The following PAQR9 variants were observed in gnomAD, a reference collection of about 807,000 sequenced individuals.
The protein encoded by PAQR9 is progestin and adipoQ receptor family member 9, also known as membrane progestin receptor epsilon.
PAQR9 carries 12 observed loss-of-function variants against 24.0 expected under a neutral mutation model. That is an observed-to-expected ratio of 0.50 (90% CI 0.32 to 0.81). The LOEUF (loss-of-function observed/expected upper bound fraction) is 0.81. PAQR9 is among the 30% of genes least tolerant of loss of function. The pLI is 0.03. For missense variants in PAQR9, 418 were observed against 520.8 expected (o/e 0.80, Z 1.92); for synonymous variants, 266 against 237.6 (o/e 1.12, Z -1.10).
chr3:142,956,479 A>G lies in PAQR9; in HGVS notation c.*5724T>C, dbSNP rs1182020621. 6.6e-6 allele frequency among the ~76,000 whole-genome samples: 1 copy of G among 152,256 alleles called. No homozygotes were observed. The highest frequency in any genetic ancestry group is 1.5e-5 in the Non-Finnish European group (1 of 68,046). ...AGCTTCCAGAGATTGATTGAGAACA[A>G]AAGCATTAAAGCAAGTGCATTACAT... On this transcript the variant is annotated 3_prime_UTR_variant, in exon 1 of 1. Transcript: ENST00000340634.
downstream of PAQR9, chr3:142,950,164 T>A (rs999824143): frequency 6.6e-6 from 1 of 152,234 alleles, no homozygotes; most frequent in Non-Finnish European, 1.5e-5. Context: ...ACCTGATAAT[T>A]CCAACATCCC....
rs1381247092 is a variant in PAQR9 at position 142,963,664 on chromosome 3, C to A, written c.-328G>T. 1 of 624,514 alleles carries A rather than the reference C, an allele frequency of 1.6e-6. No homozygotes were observed. Among genetic ancestry groups the A allele is most frequent in the Non-Finnish European group, 2.0e-6 (1 of 502,502 alleles). 38.7% of individuals were successfully genotyped at this position (624,514 alleles called of 1,614,324 possible). A position where few individuals can be genotyped will look rare whatever the true frequency, so the allele number is the denominator to read the frequency against. On this transcript the variant is annotated 5_prime_UTR_variant, in exon 1 of 1. Coordinates refer to ENST00000340634, the MANE Select transcript of PAQR9 (RefSeq NM_198504.4). ...GCGGCTGACTGCGGCGGCAGCGCGG[C>A]AGCGGTGACTGGGCATCGCGCGGTG...
At position 142,962,465 on chromosome 3, in the gene PAQR9, T is replaced by C. The variant is rs751592160; in HGVS notation, c.872A>G (p.Asn291Ser). 6.2e-7 allele frequency: 1 copy of C among 1,613,492 alleles called. No individual in the cohort carries two copies. Among genetic ancestry groups the C allele is most frequent in the African/African-American group, 1.3e-5 (1 of 74,936 alleles). Reference protein sequence around the residue: ...YFWLVVAAFFNVSKIPERIQP... With the variant: ...YFWLVVAAFFSVSKIPERIQP... ...GATGCGCTCGGGGATCTTGCTCACG[T>C]TGAAGAAGGCGGCCACCACCAGCCA... Residue 291 changes from asparagine (N) to serine (S), a missense_variant, in exon 1 of 1, where the codon AAC becomes AGC. Transcript: ENST00000340634.
downstream of PAQR9, among the ~76,000 whole-genome samples, chr3:142,952,062 G>T (rs1165983140): frequency 6.7e-6 from 1 of 149,886 alleles, no homozygotes. Flanking sequence ...GGGGGGTGTT[G>T]TTAGAGTGTG....
rs1468423400 is a variant in PAQR9, at chr3:142,963,422, G to A, written c.-86C>T. On this transcript the variant is annotated 5_prime_UTR_variant, in exon 1 of 1. Transcript: ENST00000340634. Reference sequence around the variant, plus strand: ...GGGCAGCCCCCGCCGGCCGCCGTCGGAGCCTTTGTGCCCACGCCGGGGGCG... The same window carrying A: ...GGGCAGCCCCCGCCGGCCGCCGTCGAAGCCTTTGTGCCCACGCCGGGGGCG... The A allele has an allele frequency of 1.9e-6, 2 of 1,061,896 alleles. No homozygotes were observed. Among genetic ancestry groups the A allele is most frequent in the South Asian group, 4.5e-5 (1 of 22,086 alleles). The allele number at this position is 1,061,896 out of a possible 1,614,324, so 65.8% of individuals were successfully genotyped here. A position where few individuals can be genotyped will look rare whatever the true frequency, so the allele number is the denominator to read the frequency against.
chr3:142,963,729 G>A, upstream of PAQR9: 1 of 828,794 alleles, frequency 1.2e-6, no homozygotes, highest in Non-Finnish European at 1.5e-6. Context: ...GCGGGAGGTG[G>A]GGATGTGCGA....
At chr3:142,951,780 G>T (rs1264748942), downstream of PAQR9, 1 of 456,636 alleles carries the variant, frequency 2.2e-6, no homozygotes, top group Non-Finnish European at 4.4e-6. Context: ...GAAAATTGAT[G>T]TCAGGCATGA....
Position 142,963,373 on chromosome 3 carries a change from C to A in PAQR9, c.-37G>T. The A allele has an allele frequency of 8.5e-7, 1 of 1,171,622 alleles. No homozygotes were observed. The highest frequency in any genetic ancestry group is 1.1e-6 in the Non-Finnish European group (1 of 950,178). 72.6% of individuals were successfully genotyped at this position (1,171,622 alleles called of 1,614,324 possible). A position where few individuals can be genotyped will look rare whatever the true frequency, so the allele number is the denominator to read the frequency against. ...CTCGGCTAGGGCGCGCGCAGGCGAC[C>A]TCTGGCGCCGGCTCCCGGGCGCTGG... is the stretch of plus-strand genomic sequence containing the variant. On this transcript the variant is annotated 5_prime_UTR_variant, in exon 1 of 1. The change creates a new upstream start codon in the 5' untranslated region. Coordinates refer to ENST00000340634, the MANE Select transcript of PAQR9 (RefSeq NM_198504.4).
rs974239414 is a variant in PAQR9 at position 142,958,282 on chromosome 3, A to G, written c.*3921T>C. Among the ~76,000 whole-genome samples the G allele has an allele frequency of 1.3e-5, 2 of 152,242 alleles. No homozygotes were observed. Among genetic ancestry groups the G allele is most frequent in the Non-Finnish European group, 2.9e-5 (2 of 68,046 alleles). On this transcript the variant is annotated 3_prime_UTR_variant, in exon 1 of 1. Coordinates refer to ENST00000340634, the MANE Select transcript of PAQR9 (RefSeq NM_198504.4). The stretch of plus-strand genomic sequence containing the variant: ...CTTTGCTCAATTTTAAAGTTAGTCA[A>G]TTAAGGGACTGTATCTATATCTCTT...
chr3:142,961,037 G>C lies in PAQR9; in HGVS notation c.*1166C>G, dbSNP rs1215859096. ...AGAAACACATCTACATTAGAGGGTT[G>C]GCTCTTTGTCCTTGTTGGGAACCCA... On this transcript the variant is annotated 3_prime_UTR_variant, in exon 1 of 1. Coordinates refer to ENST00000340634, the MANE Select transcript of PAQR9 (RefSeq NM_198504.4). 2 of 152,258 alleles carry C rather than the reference G, an allele frequency of 1.3e-5. No individual in the cohort carries two copies. Among genetic ancestry groups the C allele is most frequent in the Non-Finnish European group, 2.9e-5 (2 of 68,050 alleles). 9.4% of individuals were successfully genotyped at this position (152,258 alleles called of 1,614,324 possible). A position where few individuals can be genotyped will look rare whatever the true frequency, so the allele number is the denominator to read the frequency against.
chr3:142,951,708 G>C (rs1934714273), downstream of PAQR9: 2 of 456,596 alleles, frequency 4.4e-6, no homozygotes, highest in Non-Finnish European at 8.8e-6. Context: ...GGCAGAACCA[G>C]GAAGCCACTG....
rs1560159688 is a variant in PAQR9, at chr3:142,962,362, C to CTT, written c.974_975insAA (p.Val326ArgfsTer5). On this transcript the variant is annotated frameshift_variant, in exon 1 of 1. Transcript: ENST00000340634. LOFTEE classifies it high-confidence loss of function. Reference sequence around the variant, plus strand: ...GCAGGCCCTCTTCTACGTAGTACACCTGGTCGTAGATGCTGAGGAAGGTGA... The same window carrying CTT: ...GCAGGCCCTCTTCTACGTAGTACACCTTTGGTCGTAGATGCTGAGGAAGGTGA... 1 of 1,614,154 alleles carries CTT rather than the reference C, an allele frequency of 6.2e-7. No homozygotes were observed. Among genetic ancestry groups the CTT allele is most frequent in the South Asian group, 1.1e-5 (1 of 91,078 alleles).
At position 142,957,799 on chromosome 3, in the gene PAQR9, G is replaced by A. The variant is rs1934816768; in HGVS notation, c.*4404C>T. ...CATTTTCAAGTTATTTTTAACAATAGGCCTAGGAGCACACAGAAAAAGAAA... is the reference window on the plus strand; with the variant it reads ...CATTTTCAAGTTATTTTTAACAATAAGCCTAGGAGCACACAGAAAAAGAAA... On this transcript the variant is annotated 3_prime_UTR_variant, in exon 1 of 1. Coordinates refer to ENST00000340634, the MANE Select transcript of PAQR9 (RefSeq NM_198504.4). Among the ~76,000 whole-genome samples, 6 of 152,080 alleles carry A rather than the reference G, an allele frequency of 3.9e-5. 1 individual carries two copies. The highest frequency in any genetic ancestry group is 3.9e-4 in the Admixed American group (6 of 15,258).
chr3:142,957,407 T>C lies in PAQR9; in HGVS notation c.*4796A>G, dbSNP rs778512422. ...CTCCCCTTCCCATGCATTCTTCCTA[T>C]CTTTTTTACCTCTGACACTTTTTAA... On this transcript the variant is annotated 3_prime_UTR_variant, in exon 1 of 1. Coordinates refer to ENST00000340634, the MANE Select transcript of PAQR9 (RefSeq NM_198504.4). Among the ~76,000 whole-genome samples, 2 of 152,184 alleles carry C rather than the reference T, an allele frequency of 1.3e-5. No individual in the cohort carries two copies. The highest frequency in any genetic ancestry group is 1.9e-4 in the East Asian group (1 of 5,172).
Position 142,962,824 on chromosome 3 carries a change from G to C in PAQR9, c.513C>G (p.Ala171=), listed in dbSNP as rs1934928212. The C allele has an allele frequency of 6.2e-7, 1 of 1,613,032 alleles. No individual in the cohort carries two copies. The highest frequency in any genetic ancestry group is 8.5e-7 in the Non-Finnish European group (1 of 1,179,860). Residue 171 remains alanine (A), a synonymous_variant, in exon 1 of 1, where the codon GCC becomes GCG. Coordinates refer to ENST00000340634, the MANE Select transcript of PAQR9 (RefSeq NM_198504.4). ...GGCCTGGCAACAGGTAGTAGTAGTA[G>C]GCCACCGTGCTGCCGAAGCCGTAGT... ...ISYYGFGSTV[A]YYYYLLPGLS... is the part of the protein sequence containing the mutation.
chr3:142,954,247 A>C (rs1012089398), downstream of PAQR9, among the ~76,000 whole-genome samples: 5 of 152,262 alleles, frequency 3.3e-5, no homozygotes, highest in Non-Finnish European at 7.3e-5. Context: ...GATGTGTTAC[A>C]CAGAAGCCCA....
In PAQR9 at chr3:142,962,899, C is replaced by T; in HGVS notation, c.438G>A (p.Ser146=). 6.2e-7 allele frequency: 1 copy of T among 1,613,776 alleles called. No individual in the cohort carries two copies. Among genetic ancestry groups the T allele is most frequent in the South Asian group, 1.1e-5 (1 of 91,076 alleles). ...SCTAHVFSCL[S]LRLRAAFFYL... ...AGAAGAAGGCGGCGCGCAGACGCAG[C>T]GACAGGCAGCTGAACACGTGCGCCG... Residue 146 remains serine (S), a synonymous_variant, in exon 1 of 1, where the codon TCG becomes TCA. Transcript: ENST00000340634.
downstream of PAQR9, chr3:142,949,658 A>C (rs1254447927): frequency 6.6e-6 from 1 of 152,240 alleles, no homozygotes; most frequent in Non-Finnish European, 1.5e-5. Context: ...TCAGCTCTTA[A>C]GAAAAAAGTT....
In PAQR9 at chr3:142,963,451, C is replaced by A; in HGVS notation, c.-115G>T. 1 of 1,046,538 alleles carries A rather than the reference C, an allele frequency of 9.6e-7. No homozygotes were observed. Among genetic ancestry groups the A allele is most frequent in the Non-Finnish European group, 1.1e-6 (1 of 872,286 alleles). The allele number at this position is 1,046,538 out of a possible 1,614,324, so 64.8% of individuals were successfully genotyped here. A position where few individuals can be genotyped will look rare whatever the true frequency, so the allele number is the denominator to read the frequency against. ...CTTTGTGCCCACGCCGGGGGCGTCG[C>A]TGCAGGTTTAGGAGAAGACCCGTGC... is the stretch of plus-strand genomic sequence containing the variant. On this transcript the variant is annotated 5_prime_UTR_variant, in exon 1 of 1. Transcript: ENST00000340634.
Sources: allele counts gnomAD v4.1 joint callset (sites outside exome capture counted in the v4.1 genomes callset), GRCh38; gene constraint gnomAD v4.1.1; transcripts MANE v1.5; gene names NCBI Gene and HGNC (gene_info 2026-07-23, HGNC 2026-07-21).